Variants in CNTNAP4 observed in about 807,000 individuals in gnomAD.
The protein encoded by CNTNAP4 is contactin-associated protein-like 4.
Under a neutral mutation model 148.4 loss-of-function variants are expected in CNTNAP4, and 98 were observed. The observed-to-expected ratio is 0.66, with a 90% CI of 0.56 to 0.78. The LOEUF (loss-of-function observed/expected upper bound fraction) is 0.78, where lower values mean the gene tolerates loss of function less well. CNTNAP4 is among the 30% of genes least tolerant of loss of function. The probability of loss-of-function intolerance (pLI) is 0.00; values close to 1 mark genes in which losing one functional copy is unlikely to be tolerated. For synonymous variants in CNTNAP4, 730 were observed against 565.1 expected, an observed-to-expected ratio of 1.29 and a Z score of -4.14; for missense variants, 1,935 against 1,565.6, an observed-to-expected ratio of 1.24 and a Z score of -3.98.
At chr16:76,467,263 CTCTT>C (rs2081205146) in intron 9 of CNTNAP4, 85 bp from the exon 10 acceptor site, 4 of 1,126,290 alleles carry the variant, frequency 3.6e-6, no homozygotes, top group South Asian at 1.5e-5. Flanking sequence ...AATCATATGC[CTCTT>C]TCTTTTATTT....
intron 12 of CNTNAP4, among the ~76,000 whole-genome samples, chr16:76,479,855 A>C (rs1261052992): frequency 6.6e-6 from 1 of 152,154 alleles, no homozygotes; most frequent in African/African-American, 2.4e-5. Flanking sequence ...TTACTTTTTA[A>C]ATGTATGTAA....
intron 21 of CNTNAP4, among the ~76,000 whole-genome samples, chr16:76,549,481 A>G (rs2084873923): frequency 6.6e-6 from 1 of 152,144 alleles, no homozygotes; most frequent in African/African-American, 2.4e-5. Flanking sequence ...AAGTAAACTA[A>G]CAAACCAACT....
At chr16:76,342,075 C>A (rs1964511534) in intron 2 of CNTNAP4, among the ~76,000 whole-genome samples, 1 of 152,152 alleles carries the variant, frequency 6.6e-6, no homozygotes, top group South Asian at 2.1e-4. Flanking sequence ...AAGCAAAAAG[C>A]TGCTGTTCCT....
chr16:76,322,945 G>A (rs933632323), intron 2 of CNTNAP4, among the ~76,000 whole-genome samples: 2 of 151,442 alleles, frequency 1.3e-5, no homozygotes, highest in Admixed American at 1.3e-4. Flanking sequence ...AGCGAGTCTC[G>A]TGCCTTGGTC....
At chr16:76,372,618 C>T (rs1323593367) in intron 3 of CNTNAP4, among the ~76,000 whole-genome samples, 1 of 152,138 alleles carries the variant, frequency 6.6e-6, no homozygotes, top group Non-Finnish European at 1.5e-5. Flanking sequence ...TCCCCTTTCG[C>T]TTGGCTCTCA....
chr16:76,352,450 C>T (rs928127791), intron 2 of CNTNAP4, among the ~76,000 whole-genome samples: 1 of 152,152 alleles, frequency 6.6e-6, no homozygotes, highest in African/African-American at 2.4e-5. Context: ...TTTTCTACAT[C>T]CACTGGGAAC....
At chr16:76,402,190 G>A (rs55866169) in intron 3 of CNTNAP4, among the ~76,000 whole-genome samples, 6,275 of 152,088 alleles carry the variant, frequency 0.041, 452 homozygotes, top group African/African-American at 0.14. Context: ...TCGGTAGGCT[G>A]TTTATTACTG....
intron 2 of CNTNAP4, among the ~76,000 whole-genome samples, chr16:76,331,468 G>A (rs1420783961): frequency 1.3e-5 from 2 of 150,166 alleles, no homozygotes; most frequent in East Asian, 1.9e-4. Flanking sequence ...GATTACAGGC[G>A]TGAGCTACCA....
chr16:76,470,192 C>G (rs897531000), intron 10 of CNTNAP4, among the ~76,000 whole-genome samples: 4 of 152,036 alleles, frequency 2.6e-5, no homozygotes, highest in African/African-American at 9.7e-5. Context: ...GCCTCTAACC[C>G]CAGCACTCTG....
chr16:76,318,986 C>CA (rs1330520349), intron 2 of CNTNAP4, among the ~76,000 whole-genome samples: 1 of 151,478 alleles, frequency 6.6e-6, no homozygotes, highest in Non-Finnish European at 1.5e-5. Context: ...AAGAATAGAG[C>CA]AAAAAAATGA....
intron 15 of CNTNAP4, among the ~76,000 whole-genome samples, chr16:76,511,071 T>G (rs61343597): frequency 0.033 from 4,959 of 152,310 alleles, 178 homozygotes; most frequent in East Asian, 0.19. Flanking sequence ...ACACATTTTA[T>G]AAGTTGTTAA....
intron 13 of CNTNAP4, among the ~76,000 whole-genome samples, chr16:76,493,727 AAG>A (rs969318301): frequency 5.3e-4 from 81 of 152,250 alleles, no homozygotes; most frequent in African/African-American, 1.9e-3. Flanking sequence ...TAATTAAAAA[AAG>A]ACGAAGATTC....
intron 21 of CNTNAP4, 75 bp from the exon 22 acceptor site, chr16:76,553,208 G>C: frequency 1.2e-6 from 1 of 842,648 alleles, no homozygotes. Flanking sequence ...CATTAGCTCA[G>C]AATCCTCAAT....
intron 2 of CNTNAP4, among the ~76,000 whole-genome samples, chr16:76,330,138 C>T (rs1400236782): frequency 3.9e-5 from 6 of 152,182 alleles, no homozygotes; most frequent in Non-Finnish European, 8.8e-5. Flanking sequence ...AATACATCAC[C>T]TCCAAACCAG....
rs1342405608 is a variant in CNTNAP4, at chr16:76,332,713, A to AT, written c.196+16197dup. 4.8e-5 allele frequency among the ~76,000 whole-genome samples: 7 copies of AT among 145,018 alleles called. No homozygotes were observed. In the East Asian group the frequency reaches 6.7e-4, roughly 14 times the overall value. On this transcript the variant is annotated intron_variant, in intron 2 of 23. Transcript: ENST00000611870. ...TCCATAGGTCTCTTAGATTCTGTTCATTTTTTTCTTTTTATCATATTTTTT... is the reference window on the plus strand; with the variant it reads ...TCCATAGGTCTCTTAGATTCTGTTCATTTTTTTTCTTTTTATCATATTTTTT...
chr16:76,558,010 G>A (rs187035926), intron 23 of CNTNAP4: 2 of 152,316 alleles, frequency 1.3e-5, no homozygotes, highest in East Asian at 1.9e-4. Flanking sequence ...ATGTGTTATT[G>A]GTCAGAATGA....
intron 9 of CNTNAP4, among the ~76,000 whole-genome samples, 173 bp from the exon 10 acceptor site, chr16:76,467,179 A>G (rs558832174): frequency 6.6e-6 from 1 of 152,314 alleles, no homozygotes; most frequent in South Asian, 2.1e-4. Flanking sequence ...AATTCTTTGT[A>G]TGAATTTCAG....
intron 3 of CNTNAP4, among the ~76,000 whole-genome samples, chr16:76,396,342 C>T (rs1006213794): frequency 6.6e-6 from 1 of 152,182 alleles, no homozygotes; most frequent in African/African-American, 2.4e-5. Flanking sequence ...TATAGGCACA[C>T]TAAGTTGGCC....
At chr16:76,401,389 T>C (rs939470472) in intron 3 of CNTNAP4, among the ~76,000 whole-genome samples, 6 of 152,186 alleles carry the variant, frequency 3.9e-5, no homozygotes, top group African/African-American at 1.4e-4. Context: ...TTTTGGACAT[T>C]GATTTTGTAT....
Sources: gnomAD v4.1 joint callset for allele counts (sites outside exome capture counted in the v4.1 genomes callset) on GRCh38, gnomAD v4.1.1 for gene constraint, MANE v1.5 for transcripts, NCBI Gene and HGNC (gene_info 2026-07-23, HGNC 2026-07-21) for gene names.